The following POU6F2 variants were observed in gnomAD, a reference collection of about 807,000 sequenced individuals.
POU6F2 encodes POU class 6 homeobox 2.
POU6F2 carries 31 observed loss-of-function variants against 71.3 expected under a neutral mutation model. That is an observed-to-expected ratio of 0.43 (90% CI 0.33 to 0.59). The LOEUF (loss-of-function observed/expected upper bound fraction) is 0.59, where lower values mean the gene tolerates loss of function less well. POU6F2 is among the 20% of genes least tolerant of loss of function. The pLI, the probability that POU6F2 is intolerant of heterozygous loss-of-function variation, is 0.04. For synonymous variants in POU6F2, 347 were observed against 355.7 expected, an observed-to-expected ratio of 0.98 and a Z score of 0.27; for missense variants, 783 against 856.8, an observed-to-expected ratio of 0.91 and a Z score of 1.07.
Position 39,467,390 on chromosome 7 carries a change from T to G in POU6F2, c.*2704T>G, listed in dbSNP as rs1359450518. 6.6e-6 allele frequency: 1 copy of G among 152,190 alleles called. No individual in the cohort carries two copies. The highest frequency in any genetic ancestry group is 2.4e-5 in the African/African-American group (1 of 41,460). The allele number at this position is 152,190 out of a possible 1,614,324, so 9.4% of individuals were successfully genotyped here. ...TGATGACATTTCTCATGTCTACTTG[T>G]AAACAACTTCATATGCCAATGGCGT... is the stretch of plus-strand genomic sequence containing the variant. On this transcript the variant is annotated 3_prime_UTR_variant, in exon 10 of 10. Coordinates refer to ENST00000518318, the MANE Select transcript of POU6F2 (RefSeq NM_001370959.1).
At chr7:39,008,303 T>C (rs1488629538) in intron 1 of POU6F2, among the ~76,000 whole-genome samples, 3 of 151,728 alleles carry the variant, frequency 2.0e-5, no homozygotes, top group South Asian at 2.1e-4. Flanking sequence ...TTTCATGTGT[T>C]TTTTGGCTGC....
intron 6 of POU6F2, among the ~76,000 whole-genome samples, chr7:39,407,033 T>C (rs1787449300): frequency 6.6e-6 from 1 of 152,136 alleles, no homozygotes; most frequent in South Asian, 2.1e-4. Flanking sequence ...GGGGGCATTC[T>C]TTCAAAAAGA....
chr7:39,145,598 G>A (rs1392393944), intron 2 of POU6F2, among the ~76,000 whole-genome samples: 4 of 152,150 alleles, frequency 2.6e-5, no homozygotes, highest in Non-Finnish European at 5.9e-5. Flanking sequence ...TATTTGCTCC[G>A]AAATATTCTC....
At chr7:39,016,065 A>T (rs1229064) in intron 1 of POU6F2, among the ~76,000 whole-genome samples, 355 of 33,234 alleles carry the variant, frequency 0.011, 51 homozygotes, top group African/African-American at 0.022. Context: ...ATTATATATA[A>T]TATATAGATA....
rs763878897 is a variant in POU6F2 at position 39,247,096 on chromosome 7, C to T, written c.598+39476C>T. On this transcript the variant is annotated intron_variant, in intron 4 of 9. Coordinates refer to ENST00000518318, the MANE Select transcript of POU6F2 (RefSeq NM_001370959.1). ...TGCTCCTGATGGTCCAAGCTCTGTG[C>T]GTGGGTGCTTCCTCCTTGAATATTA... Among the ~76,000 whole-genome samples the T allele has an allele frequency of 5.9e-5, 9 of 151,992 alleles. No individual in the cohort carries two copies. In the East Asian group the frequency reaches 9.7e-4, roughly 16 times the overall value.
At chr7:39,204,899 G>A (rs1793978747) in intron 3 of POU6F2, among the ~76,000 whole-genome samples, 1 of 142,344 alleles carries the variant, frequency 7.0e-6, no homozygotes, top group South Asian at 2.3e-4. Flanking sequence ...TAAAAGGCTG[G>A]GCTTTTTTTT....
At chr7:39,091,019 A>T (rs548785564) in intron 2 of POU6F2, among the ~76,000 whole-genome samples, 51 of 119,862 alleles carry the variant, frequency 4.3e-4, no homozygotes, top group African/African-American at 1.2e-3. Flanking sequence ...GGGTATTTTT[A>T]AAAAAATCAG....
intron 2 of POU6F2, among the ~76,000 whole-genome samples, chr7:39,191,156 C>A (rs533519774): frequency 6.6e-6 from 1 of 152,118 alleles, no homozygotes; most frequent in African/African-American, 2.4e-5. Context: ...TTAACCAACA[C>A]TTTAATAAGG....
chr7:39,416,093 T>TACACAC (rs57579748), intron 6 of POU6F2, among the ~76,000 whole-genome samples: 5,651 of 139,210 alleles, frequency 0.041, 147 homozygotes, highest in Middle Eastern at 0.078. Context: ...CTCGAAGGCA[T>TACACAC]ACACACACAC....
chr7:39,035,848 A>C (rs1250404345), intron 1 of POU6F2, among the ~76,000 whole-genome samples: 1 of 152,204 alleles, frequency 6.6e-6, no homozygotes, highest in Non-Finnish European at 1.5e-5. Flanking sequence ...TGAAATCACC[A>C]GTGACCCGTG....
chr7:39,002,336 T>TTTGTTG lies in POU6F2; in HGVS notation c.105+24299_105+24304dup, dbSNP rs527720585. Among the ~76,000 whole-genome samples, 506 of 144,614 alleles carry TTTGTTG rather than the reference T, an allele frequency of 3.5e-3. 4 individuals carry two copies. The highest frequency in any genetic ancestry group is 0.012 in the African/African-American group (472 of 39,404). 94.9% of individuals were successfully genotyped at this position (144,614 alleles called of 152,430 possible). ...GCCTTGAGGTTAGTGATTTACAAGT[T>TTTGTTG]TTGTTGTTGTTGTTGTTGTTGTTGT... On this transcript the variant is annotated intron_variant, in intron 1 of 9. Coordinates refer to ENST00000518318, the MANE Select transcript of POU6F2 (RefSeq NM_001370959.1).
chr7:39,006,851 T>G lies in POU6F2; in HGVS notation c.105+28793T>G, dbSNP rs1789086081. ...TAATGATCCAAGAGGAAGTGGCAAA[T>G]GAGTGCTCTTCTTCAGGTATTTTGT... On this transcript the variant is annotated intron_variant, in intron 1 of 9. Coordinates refer to ENST00000518318, the MANE Select transcript of POU6F2 (RefSeq NM_001370959.1). The G allele has an allele frequency of 4.3e-6, 7 of 1,613,786 alleles. No individual in the cohort carries two copies. In the East Asian group the frequency reaches 1.1e-4, roughly 26 times the overall value.
At chr7:39,005,484 C>CTCTGTGTGTGTGTG (rs373403349) in intron 1 of POU6F2, among the ~76,000 whole-genome samples, 3 of 126,706 alleles carry the variant, frequency 2.4e-5, no homozygotes, top group South Asian at 3.1e-4. Context: ...AGGGAGAAAC[C>CTCTGTGTGTGTGTG]TGTGTGTGTG....
chr7:39,269,526 T>G (rs573396237), intron 4 of POU6F2, among the ~76,000 whole-genome samples: 85 of 152,358 alleles, frequency 5.6e-4, no homozygotes, highest in Non-Finnish European at 1.1e-3. Context: ...GCTGGATAGT[T>G]GAGGCTAAGC....
chr7:39,467,899 T>C lies in POU6F2; in HGVS notation c.*3213T>C, dbSNP rs192873255. The C allele has an allele frequency of 1.8e-4, 28 of 152,286 alleles. No homozygotes were observed. Among genetic ancestry groups the C allele is most frequent in the African/African-American group, 6.3e-4 (26 of 41,562 alleles). 9.4% of individuals were successfully genotyped at this position (152,286 alleles called of 1,614,324 possible). A position where few individuals can be genotyped will look rare whatever the true frequency, so the allele number is the denominator to read the frequency against. ...TATTTGTAGGTATATGCACATTGTA[T>C]AGATATGGCTAAATGTTGCTGACAA... On this transcript the variant is annotated 3_prime_UTR_variant, in exon 10 of 10. Coordinates refer to ENST00000518318, the MANE Select transcript of POU6F2 (RefSeq NM_001370959.1).
At chr7:39,067,017 T>A (rs1352017774) in intron 1 of POU6F2, among the ~76,000 whole-genome samples, 1 of 148,248 alleles carries the variant, frequency 6.7e-6, no homozygotes, top group Non-Finnish European at 1.5e-5. Context: ...ATATACTTAT[T>A]TATAAATCAT....
At chr7:39,400,411 A>G (rs758277414) in intron 5 of POU6F2, among the ~76,000 whole-genome samples, 2 of 152,166 alleles carry the variant, frequency 1.3e-5, no homozygotes, top group East Asian at 1.9e-4. Flanking sequence ...TGGGCTTTCA[A>G]TGACCTGCAT....
At chr7:39,294,933 T>C (rs1295463516) in intron 4 of POU6F2, among the ~76,000 whole-genome samples, 3 of 152,152 alleles carry the variant, frequency 2.0e-5, no homozygotes, top group South Asian at 2.1e-4. Flanking sequence ...TGAAAGACAC[T>C]CTGCATTGAA....
At chr7:39,039,248 G>A (rs1367836867) in intron 1 of POU6F2, among the ~76,000 whole-genome samples, 1 of 151,976 alleles carries the variant, frequency 6.6e-6, no homozygotes, top group Non-Finnish European at 1.5e-5. Context: ...GATACAAGAG[G>A]TTATAGAATG....
Sources: allele counts gnomAD v4.1 joint callset (sites outside exome capture counted in the v4.1 genomes callset), GRCh38; gene constraint gnomAD v4.1.1; transcripts MANE v1.5; gene names NCBI Gene and HGNC (gene_info 2026-07-23, HGNC 2026-07-21).